PAPPA2: variants seen among roughly 807,000 people sequenced by gnomAD.
PAPPA2 encodes the protein pappalysin 2.
In PAPPA2, 86 loss-of-function variants were observed where a neutral mutation model predicts 176.4. The observed-to-expected ratio is 0.49, with a 90% CI of 0.41 to 0.58. The LOEUF (loss-of-function observed/expected upper bound fraction) is 0.58. PAPPA2 is among the 20% of genes least tolerant of loss of function. PAPPA2 has a pLI of 0.00. For synonymous variants in PAPPA2, 809 were observed against 852.2 expected (o/e 0.95, Z 0.88); for missense variants, 2,073 against 2,256.9 (o/e 0.92, Z 1.65).
At chr1:176,567,345 G>A (rs568124158) in intron 2 of PAPPA2, among the ~76,000 whole-genome samples, 7 of 152,188 alleles carry the variant, frequency 4.6e-5, no homozygotes, top group Non-Finnish European at 8.8e-5. Flanking sequence ...CATGGCAACT[G>A]GTTGGGCTAT....
intron 22 of PAPPA2, among the ~76,000 whole-genome samples, chr1:176,840,800 A>G (rs146277998): frequency 9.6e-4 from 147 of 152,342 alleles, no homozygotes; most frequent in African/African-American, 3.3e-3. Context: ...ATTAGCAGAT[A>G]GGCTCAAGCT....
rs925515499 is a variant in PAPPA2, at chr1:176,590,297, G to T, written c.920-4227G>T. On this transcript the variant is annotated intron_variant, in intron 2 of 22. Transcript: ENST00000367662. ...TCAAACTGGTTCATCAGAGCCAATTGTACCCATCTCTTCCCAAACCCATGT... is the reference window on the plus strand; with the variant it reads ...TCAAACTGGTTCATCAGAGCCAATTTTACCCATCTCTTCCCAAACCCATGT... 2.0e-5 allele frequency among the ~76,000 whole-genome samples: 3 copies of T among 152,122 alleles called. No individual in the cohort carries two copies. The South Asian group carries it at 6.2e-4, about 32-fold the overall frequency.
chr1:176,822,850 A>G (rs1666717108), intron 21 of PAPPA2, among the ~76,000 whole-genome samples: 1 of 152,200 alleles, frequency 6.6e-6, no homozygotes, highest in Non-Finnish European at 1.5e-5. Flanking sequence ...AGAATTTCTA[A>G]TAATTTATAT....
At chr1:176,802,347 T>TA (rs1413606877) in intron 21 of PAPPA2, among the ~76,000 whole-genome samples, 2 of 151,520 alleles carry the variant, frequency 1.3e-5, no homozygotes, top group African/African-American at 4.9e-5. Flanking sequence ...AAATAAGTAA[T>TA]AAAAAATGCA....
At chr1:176,799,524 A>G (rs1665583788) in intron 20 of PAPPA2, among the ~76,000 whole-genome samples, 1 of 152,170 alleles carries the variant, frequency 6.6e-6, no homozygotes, top group African/African-American at 2.4e-5. Flanking sequence ...GATGATACCA[A>G]GAATTACAGA....
intron 16 of PAPPA2, 32 bp downstream of exon 16, chr1:176,769,816 A>C (rs780749951): frequency 1.3e-6 from 2 of 1,553,884 alleles, no homozygotes; most frequent in Admixed American, 2.1e-5. Flanking sequence ...ACTGTATGCA[A>C]GTTCTCTGCC....
Position 176,615,825 on chromosome 1 carries a change from A to G in PAPPA2, c.1991+20230A>G, listed in dbSNP as rs1482076782. On this transcript the variant is annotated intron_variant, in intron 3 of 22. Coordinates refer to ENST00000367662, the MANE Select transcript of PAPPA2 (RefSeq NM_020318.3). ...AATGTTTGAAATGACTGAAGGAATA[A>G]ACCACATAAGGTCTAGAGTGTTCAT... Among the ~76,000 whole-genome samples, 3 of 152,222 alleles carry G rather than the reference A, an allele frequency of 2.0e-5. No homozygotes were observed. In the East Asian group the frequency reaches 5.8e-4, roughly 29 times the overall value.
At chr1:176,783,802 C>T (rs1018924023) in intron 17 of PAPPA2, among the ~76,000 whole-genome samples, 4 of 152,146 alleles carry the variant, frequency 2.6e-5, no homozygotes, top group African/African-American at 9.7e-5. Context: ...CTACACCTTA[C>T]TAGCATGAGA....
At chr1:176,516,521 T>G (rs1258620761) in intron 1 of PAPPA2, among the ~76,000 whole-genome samples, 1 of 152,134 alleles carries the variant, frequency 6.6e-6, no homozygotes, top group East Asian at 1.9e-4. Context: ...AGGTGGGGCC[T>G]TTAGGAGGTG....
At chr1:176,798,825 GA>G (rs1380919083) in intron 20 of PAPPA2, among the ~76,000 whole-genome samples, 3 of 152,274 alleles carry the variant, frequency 2.0e-5, no homozygotes, top group Admixed American at 2.0e-4. Flanking sequence ...ATTGCAATAT[GA>G]AGTTTTGAAT....
intron 3 of PAPPA2, among the ~76,000 whole-genome samples, chr1:176,652,066 C>G (rs999795013): frequency 2.0e-5 from 3 of 151,486 alleles, no homozygotes; most frequent in African/African-American, 4.8e-5. Flanking sequence ...TCTTGGAGAT[C>G]ACTCAGTTTC....
At chr1:176,727,713 G>A (rs1353002397) in intron 12 of PAPPA2, among the ~76,000 whole-genome samples, 3 of 151,872 alleles carry the variant, frequency 2.0e-5, no homozygotes, top group Non-Finnish European at 4.4e-5. Context: ...CAAATATCAT[G>A]ACCTAACTCA....
intron 3 of PAPPA2, among the ~76,000 whole-genome samples, chr1:176,663,136 G>T (rs545979413): frequency 6.6e-6 from 1 of 152,096 alleles, no homozygotes; most frequent in Non-Finnish European, 1.5e-5. Flanking sequence ...CCTTTGGGAG[G>T]TTCCAAAAGC....
rs71565479 is a variant in PAPPA2, at chr1:176,708,530, TAGAG to T, written c.3458-1427_3458-1424del. On this transcript the variant is annotated intron_variant, in intron 10 of 22. Coordinates refer to ENST00000367662, the MANE Select transcript of PAPPA2 (RefSeq NM_020318.3). The stretch of plus-strand genomic sequence containing the variant: ...AACAAAACAAAACTATACGTACATG[TAGAG>T]AGAGAGAGAGAGAGAGAGAGAGAGA... 1.0e-3 allele frequency among the ~76,000 whole-genome samples: 152 copies of T among 145,548 alleles called. 2 individuals carry two copies. Among genetic ancestry groups the T allele is most frequent in the African/African-American group, 1.5e-3 (58 of 39,378 alleles).
At chr1:176,610,878 G>A (rs1488273168) in intron 3 of PAPPA2, among the ~76,000 whole-genome samples, 4 of 152,020 alleles carry the variant, frequency 2.6e-5, no homozygotes, top group Admixed American at 1.3e-4. Context: ...TATCTACTAC[G>A]ATTTAGACAC....
At chr1:176,690,911 T>TAAAAA (rs3039065) in intron 5 of PAPPA2, 9 of 936,804 alleles carry the variant, frequency 9.6e-6, no homozygotes, top group Non-Finnish European at 1.0e-5. Context: ...TGTATGTTAC[T>TAAAAA]AAAAAAAAAA....
Position 176,723,586 on chromosome 1 carries a change from T to C in PAPPA2, c.3798+11605T>C, listed in dbSNP as rs537359526. Among the ~76,000 whole-genome samples, 3 of 152,228 alleles carry C rather than the reference T, an allele frequency of 2.0e-5. No homozygotes were observed. In the South Asian group the frequency reaches 6.2e-4, roughly 32 times the overall value. ...ATACACAAATATGATTAGTATGCAG[T>C]AATTCAGAGACAAATTTACTGCAAG... is the stretch of plus-strand genomic sequence containing the variant. On this transcript the variant is annotated intron_variant, in intron 12 of 22. Coordinates refer to ENST00000367662, the MANE Select transcript of PAPPA2 (RefSeq NM_020318.3).
At chr1:176,735,544 C>G (rs1006138328) in intron 12 of PAPPA2, among the ~76,000 whole-genome samples, 1 of 152,074 alleles carries the variant, frequency 6.6e-6, no homozygotes, top group Non-Finnish European at 1.5e-5. Context: ...TAAGCCCAAA[C>G]AGTTCTACAT....
chr1:176,629,755 TG>T (rs1226683998), intron 3 of PAPPA2, among the ~76,000 whole-genome samples: 1 of 152,140 alleles, frequency 6.6e-6, no homozygotes. Context: ...TATCAGGCAT[TG>T]GGGAGGACAC....
Sources: allele counts gnomAD v4.1 joint callset (sites outside exome capture counted in the v4.1 genomes callset), GRCh38; gene constraint gnomAD v4.1.1; transcripts MANE v1.5; gene names NCBI Gene and HGNC (gene_info 2026-07-23, HGNC 2026-07-21).